The following ARNT2 variants were observed in gnomAD, a reference collection of about 807,000 sequenced individuals.
The protein encoded by ARNT2 is ARNT protein 2.
In ARNT2, 36 loss-of-function variants were observed where a neutral mutation model predicts 91.7. That is an observed-to-expected ratio of 0.39 (90% CI 0.30 to 0.52). The LOEUF (loss-of-function observed/expected upper bound fraction) is 0.52. Among genes scored for constraint, ARNT2 ranks in the 20% least tolerant of loss-of-function variants. The pLI, the probability that ARNT2 is intolerant of heterozygous loss-of-function variation, is 0.72. For synonymous variants in ARNT2, 365 were observed against 347.1 expected, an observed-to-expected ratio of 1.05 and a Z score of -0.57; for missense variants, 775 against 939.3, an observed-to-expected ratio of 0.83 and a Z score of 2.29.
At chr15:80,531,032 C>G (rs1304168075) in intron 8 of ARNT2, among the ~76,000 whole-genome samples, 1 of 151,926 alleles carries the variant, frequency 6.6e-6, no homozygotes. Context: ...CTTTTTTTGC[C>G]CAAAACTTAC....
At chr15:80,428,558 C>T (rs986280197) in intron 1 of ARNT2, among the ~76,000 whole-genome samples, 1 of 152,146 alleles carries the variant, frequency 6.6e-6, no homozygotes, top group African/African-American at 2.4e-5. Context: ...GTAGAAACTG[C>T]GTCCGAAGGA....
chr15:80,565,371 T>A (rs1462894404), intron 12 of ARNT2, among the ~76,000 whole-genome samples: 1 of 152,200 alleles, frequency 6.6e-6, no homozygotes, highest in African/African-American at 2.4e-5. Flanking sequence ...TACCCAGTAA[T>A]GCAGTAATGG....
intron 8 of ARNT2, among the ~76,000 whole-genome samples, chr15:80,527,760 AG>A (rs1396966938): frequency 6.6e-6 from 1 of 152,228 alleles, no homozygotes; most frequent in Non-Finnish European, 1.5e-5. Flanking sequence ...TTGCAAAACT[AG>A]GCTTTTTGAT....
intron 5 of ARNT2, among the ~76,000 whole-genome samples, chr15:80,496,749 CTT>C (rs1418582240): frequency 6.6e-6 from 1 of 152,160 alleles, no homozygotes; most frequent in Non-Finnish European, 1.5e-5. Context: ...AAGGAAAATG[CTT>C]TGTTAGGCTT....
intron 3 of ARNT2, among the ~76,000 whole-genome samples, chr15:80,459,177 T>G (rs1356506178): frequency 6.6e-6 from 1 of 152,232 alleles, no homozygotes; most frequent in Non-Finnish European, 1.5e-5. Context: ...AATCTTTTCC[T>G]TCCGTCTTTC....
intron 6 of ARNT2, among the ~76,000 whole-genome samples, chr15:80,512,371 T>G (rs925741756): frequency 2.0e-5 from 3 of 152,216 alleles, no homozygotes; most frequent in African/African-American, 7.2e-5. Flanking sequence ...GCCTCTGGAA[T>G]TCTTGAAGGC....
intron 8 of ARNT2, among the ~76,000 whole-genome samples, chr15:80,535,728 G>GTTTT (rs200894550): frequency 0.03 from 3,860 of 126,984 alleles, 177 homozygotes; most frequent in African/African-American, 0.1. Context: ...CATCACACAG[G>GTTTT]TTTTTTTTTT....
chr15:80,421,396 T>C (rs998755736), intron 1 of ARNT2, among the ~76,000 whole-genome samples: 11 of 18,460 alleles, frequency 6.0e-4, no homozygotes, highest in South Asian at 1.6e-3. Context: ...GCTATTGAAA[T>C]AGAAAGAAAA....
intron 1 of ARNT2, among the ~76,000 whole-genome samples, chr15:80,449,351 A>T (rs938683084): frequency 6.6e-6 from 1 of 152,228 alleles, no homozygotes; most frequent in Non-Finnish European, 1.5e-5. Flanking sequence ...GTTTGGGGAC[A>T]TAATGGACTC....
chr15:80,469,905 G>A (rs989058519), intron 3 of ARNT2, among the ~76,000 whole-genome samples: 10 of 152,162 alleles, frequency 6.6e-5, no homozygotes, highest in Admixed American at 3.3e-4. Context: ...GTGAGCCACC[G>A]TGCCCAGCCC....
At chr15:80,506,304 A>C (rs1897275710) in intron 5 of ARNT2, among the ~76,000 whole-genome samples, 1 of 152,248 alleles carries the variant, frequency 6.6e-6, no homozygotes, top group South Asian at 2.1e-4. Context: ...TGCAGGCACC[A>C]CTGCACTGTG....
intron 5 of ARNT2, among the ~76,000 whole-genome samples, chr15:80,484,069 C>T (rs919518982): frequency 6.6e-6 from 1 of 151,994 alleles, no homozygotes; most frequent in African/African-American, 2.4e-5. Context: ...AAATATATAG[C>T]TTATTTTCTT....
chr15:80,527,901 C>T (rs1897664039), intron 8 of ARNT2, among the ~76,000 whole-genome samples: 1 of 151,938 alleles, frequency 6.6e-6, no homozygotes, highest in Non-Finnish European at 1.5e-5. Flanking sequence ...GGGGAGGGGG[C>T]CTTGTGTGCT....
Position 80,498,594 on chromosome 15 carries a change from C to T in ARNT2, c.623-9562C>T, listed in dbSNP as rs549254786. On this transcript the variant is annotated intron_variant, in intron 5 of 18. Transcript: ENST00000303329. ...AGGGGACCTGTACCTCCTATAACTCCACCAAATATGGATGCAAACCCATTC... is the reference window on the plus strand; with the variant it reads ...AGGGGACCTGTACCTCCTATAACTCTACCAAATATGGATGCAAACCCATTC... Among the ~76,000 whole-genome samples the T allele has an allele frequency of 1.4e-4, 21 of 152,336 alleles. No individual in the cohort carries two copies. The South Asian group carries it at 3.7e-3, about 27-fold the overall frequency.
At chr15:80,450,826 C>G (rs1192200363) in intron 1 of ARNT2, 54 bp from the exon 2 acceptor site, 1 of 1,576,210 alleles carries the variant, frequency 6.3e-7, no homozygotes, top group Non-Finnish European at 8.7e-7. Context: ...CTTTCTTGCC[C>G]GTTACTGGGC....
chr15:80,446,031 A>T (rs373556396), intron 1 of ARNT2, among the ~76,000 whole-genome samples: 89 of 152,236 alleles, frequency 5.8e-4, no homozygotes, highest in African/African-American at 2.0e-3. Flanking sequence ...TTGAACACTT[A>T]CATGTGCTTA....
intron 4 of ARNT2, 91 bp downstream of exon 4, chr15:80,470,522 G>A: frequency 7.2e-7 from 1 of 1,380,092 alleles, no homozygotes; most frequent in South Asian, 1.4e-5. Context: ...AGGGCTCAAG[G>A]TTGAGGAAGG....
intron 8 of ARNT2, among the ~76,000 whole-genome samples, chr15:80,525,342 G>A (rs1315031806): frequency 6.6e-6 from 1 of 152,290 alleles, no homozygotes. Context: ...ACCTTGTTCT[G>A]TGGCTATTAA....
At chr15:80,531,043 T>G (rs1897731017) in intron 8 of ARNT2, among the ~76,000 whole-genome samples, 1 of 152,278 alleles carries the variant, frequency 6.6e-6, no homozygotes, top group African/African-American at 2.4e-5. Context: ...CAAAACTTAC[T>G]AATATTCCTC....
Sources: gnomAD v4.1 joint callset for allele counts (sites outside exome capture counted in the v4.1 genomes callset) on GRCh38, gnomAD v4.1.1 for gene constraint, MANE v1.5 for transcripts, NCBI Gene and HGNC (gene_info 2026-07-23, HGNC 2026-07-21) for gene names.